Variants in DMXL2 observed in about 807,000 individuals in gnomAD.
DMXL2 encodes dmX-like protein 2.
In DMXL2, 103 loss-of-function variants were observed where a neutral mutation model predicts 331.1. The ratio of observed to expected loss-of-function variants is 0.31; its 90% confidence interval spans 0.27 to 0.37. DMXL2 has a LOEUF of 0.37. DMXL2 is among the 10% of genes least tolerant of loss of function. The pLI, the probability that DMXL2 is intolerant of heterozygous loss-of-function variation, is 1.00. For synonymous variants in DMXL2, 1,281 were observed against 1,252.1 expected, an observed-to-expected ratio of 1.02 and a Z score of -0.49; for missense variants, 3,171 against 3,642.9, an observed-to-expected ratio of 0.87 and a Z score of 3.33.
intron 6 of DMXL2, among the ~76,000 whole-genome samples, chr15:51,562,555 T>C (rs933793495): frequency 1.3e-5 from 2 of 152,100 alleles, no homozygotes; most frequent in Admixed American, 6.5e-5. Flanking sequence ...TTAAGCTGAA[T>C]GAGAGCAAAG....
Position 51,542,513 on chromosome 15 carries a change from A to C in DMXL2, c.931-6T>G. On this transcript the variant is annotated splice_polypyrimidine_tract_variant and splice_region_variant and intron_variant, in intron 8 of 43. Transcript: ENST00000560891. The stretch of plus-strand genomic sequence containing the variant: ...TTTTTCAAATGGTGTATTGTCTAAA[A>C]TAGAAAAATAGTTGCTGAGTCCAAC... 6.2e-7 allele frequency: 1 copy of C among 1,602,654 alleles called. No individual in the cohort carries two copies. Among genetic ancestry groups the C allele is most frequent in the Non-Finnish European group, 8.5e-7 (1 of 1,172,464 alleles).
At chr15:51,608,820 TAC>T (rs2053766952) in intron 1 of DMXL2, among the ~76,000 whole-genome samples, 2 of 152,132 alleles carry the variant, frequency 1.3e-5, no homozygotes, top group Non-Finnish European at 2.9e-5. Flanking sequence ...AACAGATTGA[TAC>T]CAAGGAAATT....
intron 1 of DMXL2, among the ~76,000 whole-genome samples, chr15:51,588,438 A>G (rs1305960485): frequency 2.6e-5 from 4 of 152,100 alleles, no homozygotes; most frequent in Non-Finnish European, 4.4e-5. Flanking sequence ...TCAACCTCCT[A>G]AAGTGCTGGG....
chr15:51,556,411 A>C (rs1385026408), intron 6 of DMXL2, among the ~76,000 whole-genome samples: 1 of 151,504 alleles, frequency 6.6e-6, no homozygotes, highest in Admixed American at 6.6e-5. Context: ...ACACATTATA[A>C]TGAAGTTGGG....
chr15:51,511,811 C>T (rs1486803717), intron 15 of DMXL2, among the ~76,000 whole-genome samples: 2 of 152,124 alleles, frequency 1.3e-5, no homozygotes, highest in African/African-American at 4.8e-5. Context: ...CAATGATAGA[C>T]TGGATAAAGA....
Position 51,457,459 on chromosome 15 carries a change from C to T in DMXL2, c.8206G>A (p.Asp2736Asn), listed in dbSNP as rs1335282580. The T allele has an allele frequency of 6.2e-7, 1 of 1,613,836 alleles. No homozygotes were observed. Among genetic ancestry groups the T allele is most frequent in the East Asian group, 2.2e-5 (1 of 44,894 alleles). ...GTAGTGGAACCACGATAATCAACAT[C>T]ATCTGAACTGTGAAAAACATTCATG... ...EYDRESKSSD[D>N]VDYRGSTTTL... Residue 2736 changes from aspartate to asparagine, a missense_variant, in exon 37 of 44, where the codon GAT becomes AAT. Around this residue, in one of 7 missense-constraint regions of DMXL2, gnomAD observed 766 missense variants for 940.5 expected, o/e 0.81. Coordinates refer to ENST00000560891, the MANE Select transcript of DMXL2 (RefSeq NM_001378457.1).
At position 51,564,463 on chromosome 15, in the gene DMXL2, AT is replaced by A. The variant is rs1272718850; in HGVS notation, c.365-204del. ...TGGACAACAAAGATTCTTAAGGAAG[AT>A]TTGAGAACAACAAAGTAAAGCTTAC... On this transcript the variant is annotated intron_variant, in intron 4 of 43. Coordinates refer to ENST00000560891, the MANE Select transcript of DMXL2 (RefSeq NM_001378457.1). Among the ~76,000 whole-genome samples, 3 of 152,208 alleles carry A rather than the reference AT, an allele frequency of 2.0e-5. No individual in the cohort carries two copies. The South Asian group carries it at 6.2e-4, about 32-fold the overall frequency.
chr15:51,506,274 G>A (rs1360314042), intron 16 of DMXL2, among the ~76,000 whole-genome samples: 1 of 151,894 alleles, frequency 6.6e-6, no homozygotes, highest in Non-Finnish European at 1.5e-5. Context: ...TATTGCCCAG[G>A]CTGATCTCGA....
At chr15:51,511,257 A>G (rs1030079554) in intron 15 of DMXL2, among the ~76,000 whole-genome samples, 1 of 152,194 alleles carries the variant, frequency 6.6e-6, no homozygotes, top group Admixed American at 6.5e-5. Context: ...TAAACAGGCA[A>G]CCTACAGAAT....
chr15:51,500,856 G>C (rs1490447987), intron 17 of DMXL2, among the ~76,000 whole-genome samples: 1 of 152,188 alleles, frequency 6.6e-6, no homozygotes, highest in East Asian at 1.9e-4. Flanking sequence ...TCAACTGTAA[G>C]ACAAGGGGAT....
At chr15:51,574,071 A>C (rs922278152) in intron 2 of DMXL2, among the ~76,000 whole-genome samples, 6 of 152,114 alleles carry the variant, frequency 3.9e-5, no homozygotes, top group African/African-American at 1.4e-4. Context: ...GAAAATACCA[A>C]TTGGGACACC....
At chr15:51,514,100 A>C (rs575545749) in intron 15 of DMXL2, among the ~76,000 whole-genome samples, 4 of 152,272 alleles carry the variant, frequency 2.6e-5, no homozygotes, top group Non-Finnish European at 5.9e-5. Context: ...GTAATTTTTT[A>C]AAACCTGTAA....
In DMXL2 at chr15:51,537,522, T is replaced by C; in HGVS notation, c.1583A>G (p.Asp528Gly). 2 of 1,613,648 alleles carry C rather than the reference T, an allele frequency of 1.2e-6. No individual in the cohort carries two copies. Among genetic ancestry groups the C allele is most frequent in the Non-Finnish European group, 1.7e-6 (2 of 1,179,712 alleles). The stretch of plus-strand genomic sequence containing the variant: ...TCTAAATATTCCAGGATTATATTCA[T>C]CCAAATACTTCACATGCCACACTAG... ...TFLVWHVKYL[D>G]EYNPGIFRQV... The change falls in exon 11 of 44, where the codon GAT becomes GGT. Residue 528 changes from aspartate (D) to glycine (G), a missense_variant. By Grantham distance (94) the Asp-to-Gly change is moderately conservative. This residue lies in a region of DMXL2 where 1,674 missense variants were observed against 1,780.2 expected (regional missense o/e 0.94). Transcript: ENST00000560891.
At chr15:51,564,814 A>T (rs2050171758) in intron 4 of DMXL2, among the ~76,000 whole-genome samples, 1 of 152,126 alleles carries the variant, frequency 6.6e-6, no homozygotes, top group Non-Finnish European at 1.5e-5. Flanking sequence ...TTTCTTAGCA[A>T]ATACAACAAG....
At chr15:51,554,838 G>A (rs552853048) in intron 6 of DMXL2, among the ~76,000 whole-genome samples, 3 of 152,280 alleles carry the variant, frequency 2.0e-5, no homozygotes, top group African/African-American at 7.2e-5. Flanking sequence ...CAAAAGAAGA[G>A]TGACAAGATC....
At chr15:51,568,433 G>T (rs2141075222) in intron 3 of DMXL2, 54 bp downstream of exon 3, 1 of 1,197,330 alleles carries the variant, frequency 8.4e-7, no homozygotes, top group Non-Finnish European at 1.2e-6. Context: ...AACATCAATT[G>T]GATTCTAAAG....
At chr15:51,462,897 C>T (rs1381859331) in intron 33 of DMXL2, among the ~76,000 whole-genome samples, 1 of 152,190 alleles carries the variant, frequency 6.6e-6, no homozygotes, top group Non-Finnish European at 1.5e-5. Flanking sequence ...TTTGTAAGAG[C>T]AATCTTCCTT....
At chr15:51,592,386 G>A (rs186319430) in intron 1 of DMXL2, among the ~76,000 whole-genome samples, 16 of 152,216 alleles carry the variant, frequency 1.1e-4, no homozygotes, top group Admixed American at 6.5e-4. Context: ...AAAAAGAAAC[G>A]AACAAAGCCT....
chr15:51,495,790 T>C (rs1312272370), intron 18 of DMXL2, among the ~76,000 whole-genome samples: 1 of 151,612 alleles, frequency 6.6e-6, no homozygotes, highest in Non-Finnish European at 1.5e-5. Context: ...CCTAGCCCAA[T>C]AACTGACACT....
Sources: allele counts gnomAD v4.1 joint callset (sites outside exome capture counted in the v4.1 genomes callset), GRCh38; gene constraint gnomAD v4.1.1; regional missense constraint gnomAD v4.1.1; transcripts MANE v1.5; gene names NCBI Gene and HGNC (gene_info 2026-07-23, HGNC 2026-07-21).